The following LRIG1 variants were observed in gnomAD, a reference collection of about 807,000 sequenced individuals.
LRIG1 encodes the protein leucine-rich repeats and immunoglobulin-like domains protein 1.
A neutral mutation model predicts 99.2 loss-of-function variants in LRIG1; 48 were observed. The ratio of observed to expected loss-of-function variants is 0.48; its 90% CI spans 0.38 to 0.62. LRIG1 has a LOEUF of 0.62. Ranked by LOEUF, LRIG1 falls within the 20% of genes least tolerant of loss-of-function variation. The pLI is 0.00. For synonymous variants in LRIG1, 772 were observed against 596.1 expected (o/e 1.29, Z -4.30); for missense variants, 1,646 against 1,434.4 (o/e 1.15, Z -2.38).
chr3:66,386,580 C>A, intron 12 of LRIG1: 1 of 388,398 alleles, frequency 2.6e-6, no homozygotes, highest in Non-Finnish European at 4.7e-6. Flanking sequence ...AGCCAGCCGG[C>A]AGTTTCCTTA....
chr3:66,446,622 T>A (rs1462321189), intron 3 of LRIG1, among the ~76,000 whole-genome samples: 1 of 151,864 alleles, frequency 6.6e-6, no homozygotes, highest in African/African-American at 2.4e-5. Context: ...GCCAGGCTGG[T>A]CTCGAACTCC....
intron 2 of LRIG1, among the ~76,000 whole-genome samples, chr3:66,455,659 C>T (rs962043085): frequency 5.3e-5 from 8 of 152,260 alleles, no homozygotes; most frequent in Non-Finnish European, 7.4e-5. Context: ...TTGGGCAGTG[C>T]GTTGAAACTG....
Position 66,379,560 on chromosome 3 carries a change from C to T in LRIG1, c.*703G>A, listed in dbSNP as rs1341315625. 4 of 152,002 alleles carry T rather than the reference C, an allele frequency of 2.6e-5. No individual in the cohort carries two copies. Among genetic ancestry groups the T allele is most frequent in the South Asian group, 2.1e-4 (1 of 4,830 alleles). 9.4% of individuals were successfully genotyped at this position (152,002 alleles called of 1,614,324 possible). ...TGACCTTTTGCTTGTGATGGATTAA[C>T]AACCCTCATTCTACGCCTTACAGAC... On this transcript the variant is annotated 3_prime_UTR_variant, in exon 19 of 19. Transcript: ENST00000273261.
Position 66,384,051 on chromosome 3 carries a change from T to G in LRIG1, c.2011A>C (p.Ser671Arg). 6.2e-7 allele frequency: 1 copy of G among 1,614,098 alleles called. No individual in the cohort carries two copies. Among genetic ancestry groups the G allele is most frequent in the Admixed American group, 1.7e-5 (1 of 60,012 alleles). ...DVKIDDAGVY[S>R]CTAQNSAGSI... ...CCGGCTGAGTTCTGAGCAGTACAGC[T>G]GTAAACCCCTGCGTCATCTATTTTC... The change falls in exon 14 of 19, where the codon AGC (serine) becomes CGC (arginine). Residue 671 changes from serine (S) to arginine (R), a missense_variant. Coordinates refer to ENST00000273261, the MANE Select transcript of LRIG1 (RefSeq NM_015541.3).
chr3:66,434,219 C>T (rs1008549197), intron 3 of LRIG1, among the ~76,000 whole-genome samples: 3 of 152,032 alleles, frequency 2.0e-5, no homozygotes, highest in African/African-American at 7.2e-5. Context: ...AATATATATC[C>T]AGACTATACA....
chr3:66,405,619 C>A, intron 8 of LRIG1: 2 of 725,304 alleles, frequency 2.8e-6, no homozygotes, highest in Non-Finnish European at 3.8e-6. Flanking sequence ...GAGAATCAAC[C>A]CAAAAGGTTC....
Position 66,380,698 on chromosome 3 carries a change from G to A in LRIG1, c.2934C>T (p.His978=). The A allele has an allele frequency of 6.2e-7, 1 of 1,614,214 alleles. No individual in the cohort carries two copies. Among genetic ancestry groups the A allele is most frequent in the East Asian group, 2.2e-5 (1 of 44,884 alleles). Reference sequence around the variant, plus strand: ...ACCCAGCGGCAGTCCTGCTGCACTGGTGATGTGGAGAATGCTCTTGGTCAC... The same window carrying A: ...ACCCAGCGGCAGTCCTGCTGCACTGATGATGTGGAGAATGCTCTTGGTCAC... ...GGSDQEHSPH[H]QCSRTAAGSC... The change falls in exon 18 of 19, where the codon CAC becomes CAT. Residue 978 remains histidine (H), a synonymous_variant. Transcript: ENST00000273261.
intron 1 of LRIG1, 110 bp from the exon 2 acceptor site, chr3:66,462,619 T>A (rs1353245549): frequency 1.4e-6 from 1 of 736,754 alleles, no homozygotes; most frequent in Non-Finnish European, 2.4e-6. Flanking sequence ...CAAGCCCCCA[T>A]CCCATGATCA....
At chr3:66,422,718 T>G (rs9845632) in intron 3 of LRIG1, among the ~76,000 whole-genome samples, 17,498 of 152,248 alleles carry the variant, frequency 0.11, 1,438 homozygotes, top group African/African-American at 0.23. Context: ...TTTTCAGGTA[T>G]GTTTTCAGCA....
chr3:66,386,403 A>G (rs1366767554), intron 12 of LRIG1, 102 bp from the exon 13 acceptor site: 6 of 1,013,796 alleles, frequency 5.9e-6, no homozygotes, highest in Non-Finnish European at 8.9e-6. Flanking sequence ...CCAAGCAGGA[A>G]CCAGAGCTTG....
chr3:66,463,541 G>A (rs1037970996), intron 1 of LRIG1, among the ~76,000 whole-genome samples: 7 of 152,304 alleles, frequency 4.6e-5, no homozygotes, highest in Admixed American at 2.0e-4. Flanking sequence ...ATCTCAACCA[G>A]AGCAGCTTCA....
intron 1 of LRIG1, among the ~76,000 whole-genome samples, chr3:66,492,790 T>C (rs1161146653): frequency 6.6e-6 from 1 of 152,134 alleles, no homozygotes; most frequent in Non-Finnish European, 1.5e-5. Flanking sequence ...CAATGGGCCT[T>C]ACCGGTTATG....
chr3:66,420,226 A>T (rs991063598), intron 3 of LRIG1, among the ~76,000 whole-genome samples: 2 of 152,204 alleles, frequency 1.3e-5, no homozygotes, highest in African/African-American at 4.8e-5. Flanking sequence ...GGGAAATGTA[A>T]ACCACAACCA....
chr3:66,410,489 G>C (rs193000689), intron 6 of LRIG1, among the ~76,000 whole-genome samples: 2 of 152,188 alleles, frequency 1.3e-5, no homozygotes, highest in Non-Finnish European at 2.9e-5. Flanking sequence ...TGCCAAGGCC[G>C]ACTCGAGTGT....
At chr3:66,471,238 G>C (rs1484926068) in intron 1 of LRIG1, among the ~76,000 whole-genome samples, 1 of 152,234 alleles carries the variant, frequency 6.6e-6, no homozygotes, top group Non-Finnish European at 1.5e-5. Flanking sequence ...AGCGGGAAGA[G>C]ATGGGTCAGA....
intron 1 of LRIG1, among the ~76,000 whole-genome samples, chr3:66,473,516 T>C (rs1466924945): frequency 6.6e-6 from 1 of 152,236 alleles, no homozygotes; most frequent in Non-Finnish European, 1.5e-5. Context: ...CCATGCTTAC[T>C]TGCATTTGCC....
At chr3:66,390,083 C>A (rs1701555812) in intron 12 of LRIG1, among the ~76,000 whole-genome samples, 1 of 152,090 alleles carries the variant, frequency 6.6e-6, no homozygotes, top group Admixed American at 6.5e-5. Context: ...AAAACTCTCA[C>A]AAATTCACTC....
At chr3:66,412,476 C>G (rs1312734397) in intron 6 of LRIG1, among the ~76,000 whole-genome samples, 1 of 152,228 alleles carries the variant, frequency 6.6e-6, no homozygotes, top group Non-Finnish European at 1.5e-5. Context: ...CTGAAACTTC[C>G]CCCAAGTGGA....
At chr3:66,457,151 G>T (rs1350174894) in intron 2 of LRIG1, among the ~76,000 whole-genome samples, 1 of 152,156 alleles carries the variant, frequency 6.6e-6, no homozygotes, top group African/African-American at 2.4e-5. Flanking sequence ...CTCAATGAGG[G>T]CTCCAGACTG....
Sources: allele counts gnomAD v4.1 joint callset (sites outside exome capture counted in the v4.1 genomes callset), GRCh38; gene constraint gnomAD v4.1.1; transcripts MANE v1.5; gene names NCBI Gene and HGNC (gene_info 2026-07-23, HGNC 2026-07-21).